Variants in LIMS1 observed in about 807,000 individuals in gnomAD.
LIMS1 encodes the protein LIM and senescent cell antigen-like-containing domain protein 1.
In LIMS1, 18 loss-of-function variants were observed where a neutral mutation model predicts 44.1. The ratio of observed to expected loss-of-function variants is 0.41; its 90% CI spans 0.28 to 0.61. The LOEUF is 0.61. Among genes scored for constraint, LIMS1 ranks in the 20% least tolerant of loss-of-function variants. The pLI is 0.32. For synonymous variants in LIMS1, 93 were observed against 149.1 expected (o/e 0.62, Z 2.74); for missense variants, 201 against 422.0 (o/e 0.48, Z 4.59).
In LIMS1 at chr2:108,670,026, A is replaced by G. The variant is rs532800699; in HGVS notation, c.193-755A>G. Among the ~76,000 whole-genome samples, 16 of 152,290 alleles carry G rather than the reference A, an allele frequency of 1.1e-4. No individual in the cohort carries two copies. The East Asian group carries it at 1.2e-3, about 11-fold the overall frequency. On this transcript the variant is annotated intron_variant, in intron 2 of 9. Transcript: ENST00000544547. ...CACATTTTAAAATTTCATGTTATATATATTTTTTAATTGCAGAAAAGTATG... is the reference window on the plus strand; with the variant it reads ...CACATTTTAAAATTTCATGTTATATGTATTTTTTAATTGCAGAAAAGTATG...
chr2:108,535,201 T>C (rs1684088901), intron 1 of LIMS1, among the ~76,000 whole-genome samples: 2 of 152,212 alleles, frequency 1.3e-5, no homozygotes, highest in African/African-American at 4.8e-5. Context: ...TGCAGTTCAG[T>C]CTGTTGCGGT....
intron 1 of LIMS1, among the ~76,000 whole-genome samples, chr2:108,650,684 C>T (rs916187042): frequency 2.6e-5 from 4 of 152,148 alleles, no homozygotes; most frequent in African/African-American, 9.7e-5. Flanking sequence ...CCTCGGCCTC[C>T]CAAAGTGCAG....
chr2:108,551,761 G>A (rs1410186441), intron 1 of LIMS1, among the ~76,000 whole-genome samples: 1 of 143,248 alleles, frequency 7.0e-6, no homozygotes, highest in Non-Finnish European at 1.5e-5. Context: ...ACATACCTAT[G>A]TATATTGTAT....
At chr2:108,676,832 A>G in intron 7 of LIMS1, 134 bp downstream of exon 7, 1 of 735,544 alleles carries the variant, frequency 1.4e-6, no homozygotes. Context: ...TATTTGGGAA[A>G]TAATTTCAGA....
intron 1 of LIMS1, among the ~76,000 whole-genome samples, chr2:108,549,779 T>C (rs1228803507): frequency 2.0e-5 from 3 of 152,176 alleles, no homozygotes; most frequent in Admixed American, 6.6e-5. Flanking sequence ...CAGGCAAGAA[T>C]AGCAAAAAGC....
chr2:108,653,336 AC>A (rs1259799088), intron 1 of LIMS1, among the ~76,000 whole-genome samples: 24 of 149,080 alleles, frequency 1.6e-4, no homozygotes, highest in African/African-American at 6.0e-4. Flanking sequence ...TGTAACTAAC[AC>A]CTATCTCAGA....
chr2:108,565,766 A>T (rs1206662769), intron 1 of LIMS1, among the ~76,000 whole-genome samples: 1 of 152,136 alleles, frequency 6.6e-6, no homozygotes, highest in Non-Finnish European at 1.5e-5. Flanking sequence ...GGAAGTCCTA[A>T]ATGAAGGCAC....
intron 1 of LIMS1, among the ~76,000 whole-genome samples, chr2:108,543,890 TAGC>T (rs1684397671): frequency 1.3e-5 from 2 of 152,056 alleles, no homozygotes; most frequent in African/African-American, 2.4e-5. Flanking sequence ...CCACGAGAAA[TAGC>T]AGCCCAACCC....
intron 1 of LIMS1, among the ~76,000 whole-genome samples, chr2:108,638,458 C>G (rs958830429): frequency 5.3e-5 from 8 of 152,122 alleles, no homozygotes; most frequent in African/African-American, 1.9e-4. Context: ...AAAGATTCAA[C>G]AGAGGCTGGG....
intron 1 of LIMS1, among the ~76,000 whole-genome samples, chr2:108,590,763 C>T (rs1686343732): frequency 6.6e-6 from 1 of 152,210 alleles, no homozygotes; most frequent in African/African-American, 2.4e-5. Context: ...TTCCATCTCA[C>T]CTAGAATAAC....
chr2:108,594,899 G>C (rs1686587258), intron 1 of LIMS1, among the ~76,000 whole-genome samples: 1 of 151,956 alleles, frequency 6.6e-6, no homozygotes, highest in South Asian at 2.1e-4. Context: ...CTAAAAAAAA[G>C]GTAGACAGAC....
At chr2:108,573,190 T>C (rs1236069595) in intron 1 of LIMS1, among the ~76,000 whole-genome samples, 3 of 152,246 alleles carry the variant, frequency 2.0e-5, no homozygotes, top group African/African-American at 7.2e-5. Flanking sequence ...TTCTAAATAC[T>C]TACTCTCAAT....
At chr2:108,638,770 A>G (rs1689453962) in intron 1 of LIMS1, among the ~76,000 whole-genome samples, 1 of 150,224 alleles carries the variant, frequency 6.7e-6, no homozygotes, top group African/African-American at 2.5e-5. Context: ...CAGGCTGGGC[A>G]CGGTGGCTCA....
At chr2:108,567,336 T>C (rs1343214401) in intron 1 of LIMS1, among the ~76,000 whole-genome samples, 1 of 152,068 alleles carries the variant, frequency 6.6e-6, no homozygotes, top group Non-Finnish European at 1.5e-5. Flanking sequence ...TGGAGTCTCG[T>C]CCAGGGTTGG....
At chr2:108,649,168 A>G (rs1690285265) in intron 1 of LIMS1, among the ~76,000 whole-genome samples, 1 of 152,252 alleles carries the variant, frequency 6.6e-6, no homozygotes, top group Non-Finnish European at 1.5e-5. Flanking sequence ...TGGGCAAAGG[A>G]TATGAACAGA....
At chr2:108,634,157 T>A (rs1468206142) in intron 1 of LIMS1, among the ~76,000 whole-genome samples, 1 of 152,204 alleles carries the variant, frequency 6.6e-6, no homozygotes, top group East Asian at 1.9e-4. Context: ...ATGCAATAAC[T>A]GACCTGTGTC....
At chr2:108,548,839 C>T (rs894371450) in intron 1 of LIMS1, among the ~76,000 whole-genome samples, 12 of 152,164 alleles carry the variant, frequency 7.9e-5, no homozygotes, top group African/African-American at 2.9e-4. Flanking sequence ...CATGGGAACT[C>T]TACGAATATA....
intron 1 of LIMS1, among the ~76,000 whole-genome samples, chr2:108,540,291 C>T (rs1357608571): frequency 2.0e-5 from 3 of 150,906 alleles, no homozygotes; most frequent in African/African-American, 4.9e-5. Flanking sequence ...CTCCGCCTCC[C>T]GGGTTCAAGT....
intron 1 of LIMS1, among the ~76,000 whole-genome samples, chr2:108,611,836 A>AATATATATATATATATATATATAT (rs138970063): frequency 7.6e-6 from 1 of 130,982 alleles, no homozygotes; most frequent in African/African-American, 2.8e-5. Flanking sequence ...CATGATCTAA[A>AATATATATATATATATATATATAT]ATATATATAT....
Sources: gnomAD v4.1 joint callset for allele counts (sites outside exome capture counted in the v4.1 genomes callset) on GRCh38, gnomAD v4.1.1 for gene constraint, MANE v1.5 for transcripts, NCBI Gene and HGNC (gene_info 2026-07-23, HGNC 2026-07-21) for gene names.